The following RYR3 variants were observed in gnomAD, a reference collection of about 807,000 sequenced individuals.
RYR3 encodes the protein ryanodine receptor 3.
RYR3 carries 207 observed loss-of-function variants against 584.3 expected under a neutral mutation model. The ratio of observed to expected loss-of-function variants is 0.35; its 90% confidence interval spans 0.32 to 0.40. The LOEUF (loss-of-function observed/expected upper bound fraction) is 0.40. Ranked by LOEUF, RYR3 falls within the 10% of genes least tolerant of loss-of-function variation. The pLI is 1.00. For missense variants in RYR3, 5,616 were observed against 6,089.2 expected (o/e 0.92, Z 2.59); for synonymous variants, 2,416 against 2,248.5 (o/e 1.07, Z -2.11).
At chr15:33,637,234 C>T (rs1028366374) in intron 27 of RYR3, among the ~76,000 whole-genome samples, 1 of 152,160 alleles carries the variant, frequency 6.6e-6, no homozygotes, top group Non-Finnish European at 1.5e-5. Context: ...AGTCAGTAGA[C>T]TTCTCCTAAC....
chr15:33,328,501 T>C (rs1913425), intron 1 of RYR3, among the ~76,000 whole-genome samples: 1 of 152,174 alleles, frequency 6.6e-6, no homozygotes, highest in Non-Finnish European at 1.5e-5. Context: ...TCACTAATCT[T>C]CATGGGGTCA....
Position 33,566,001 on chromosome 15 carries a change from CTAAGA to C in RYR3, c.1147-672_1147-668del, listed in dbSNP as rs567247428. ...GTAAATCATTGAATCTTCCAACCCTCTAAGATAAGTCTATTTGCAGATGGTGAAAT... is the reference window on the plus strand; with the variant it reads ...GTAAATCATTGAATCTTCCAACCCTCTAAGTCTATTTGCAGATGGTGAAAT... On this transcript the variant is annotated intron_variant, in intron 11 of 103. Coordinates refer to ENST00000634891, the MANE Select transcript of RYR3 (RefSeq NM_001036.6). 7.5e-4 allele frequency among the ~76,000 whole-genome samples: 115 copies of C among 152,334 alleles called. 1 individual carries two copies. The highest frequency in any genetic ancestry group is 2.7e-3 in the African/African-American group (112 of 41,580).
intron 96 of RYR3, 86 bp from the exon 97 acceptor site, chr15:33,854,303 G>A: frequency 9.4e-7 from 1 of 1,061,834 alleles, no homozygotes. Context: ...TTAAACCTGA[G>A]AGAAAAAACT....
At chr15:33,749,256 G>C (rs1368679085) in intron 55 of RYR3, among the ~76,000 whole-genome samples, 1 of 152,166 alleles carries the variant, frequency 6.6e-6, no homozygotes, top group Non-Finnish European at 1.5e-5. Flanking sequence ...CAGTGGGTTT[G>C]CTGGAGCTCC....
In RYR3 at chr15:33,728,860, G is replaced by T. The variant is rs1242109072; in HGVS notation, c.7037G>T (p.Gly2346Val). The change falls in exon 47 of 104, where the codon GGG becomes GTG. Residue 2346 changes from glycine (G) to valine (V), a missense_variant. Gly to Val is a moderately radical substitution (Grantham distance 109, BLOSUM62 -3). Coordinates refer to ENST00000634891, the MANE Select transcript of RYR3 (RefSeq NM_001036.6). ...PLKLPSLNKD[G>V]SVSEPDMAAN... is the part of the protein sequence containing the mutation. ...ACATTTTCTATGTGTCTTTCAGATG[G>T]GTCGGTCAGTGAGCCAGATATGGCG... 6.2e-7 allele frequency: 1 copy of T among 1,610,038 alleles called. No individual in the cohort carries two copies.
chr15:33,438,992 C>T (rs2141849477), intron 1 of RYR3, among the ~76,000 whole-genome samples: 1 of 151,918 alleles, frequency 6.6e-6, no homozygotes, highest in Admixed American at 6.6e-5. Flanking sequence ...GATAAATGAC[C>T]CAAGAGTCGA....
In RYR3 at chr15:33,641,731, C is replaced by T. The variant is rs948760892; in HGVS notation, c.3557-2580C>T. Among the ~76,000 whole-genome samples the T allele has an allele frequency of 4.6e-5, 7 of 152,206 alleles. No individual in the cohort carries two copies. The East Asian group carries it at 5.8e-4, about 13-fold the overall frequency. ...GCCCAGCTGCGTCCACTTAGCCTCC[C>T]GGAGGTCCCCAATACTCTGTGCCTC... On this transcript the variant is annotated intron_variant, in intron 27 of 103. Coordinates refer to ENST00000634891, the MANE Select transcript of RYR3 (RefSeq NM_001036.6).
intron 3 of RYR3, among the ~76,000 whole-genome samples, chr15:33,517,059 A>G (rs1315976895): frequency 1.3e-5 from 2 of 152,028 alleles, no homozygotes; most frequent in South Asian, 2.1e-4. Flanking sequence ...CAGTGGCACA[A>G]TCTTGGCTCA....
intron 2 of RYR3, among the ~76,000 whole-genome samples, chr15:33,475,866 A>G (rs2049326500): frequency 6.6e-6 from 1 of 152,228 alleles, no homozygotes. Context: ...ATGATTTCAT[A>G]TTGTACAAGA....
chr15:33,711,815 C>G (rs2067142883), intron 43 of RYR3, among the ~76,000 whole-genome samples: 1 of 152,226 alleles, frequency 6.6e-6, no homozygotes, highest in Admixed American at 6.5e-5. Flanking sequence ...TTTCTATCAT[C>G]TTCTTCTGAG....
intron 48 of RYR3, among the ~76,000 whole-genome samples, chr15:33,733,835 G>A (rs2069165799): frequency 6.6e-6 from 1 of 152,196 alleles, no homozygotes; most frequent in South Asian, 2.1e-4. Context: ...TATGGGGCCA[G>A]GGATATATGA....
At chr15:33,418,173 C>T (rs923004462) in intron 1 of RYR3, among the ~76,000 whole-genome samples, 2 of 152,062 alleles carry the variant, frequency 1.3e-5, no homozygotes, top group Non-Finnish European at 1.5e-5. Flanking sequence ...ATTTGGGTAT[C>T]AGAATGACAC....
intron 7 of RYR3, among the ~76,000 whole-genome samples, chr15:33,542,013 A>G (rs1199449914): frequency 6.6e-6 from 1 of 152,140 alleles, no homozygotes; most frequent in East Asian, 1.9e-4. Flanking sequence ...GTCCCAACAG[A>G]GGGCTTGTGG....
At chr15:33,774,332 T>C (rs1245025695) in intron 64 of RYR3, among the ~76,000 whole-genome samples, 1 of 152,238 alleles carries the variant, frequency 6.6e-6, no homozygotes, top group Non-Finnish European at 1.5e-5. Flanking sequence ...ATTTTTGTTT[T>C]CTTTCTTGCC....
intron 1 of RYR3, among the ~76,000 whole-genome samples, chr15:33,464,483 T>G (rs776317458): frequency 1.2e-5 from 1 of 82,238 alleles, no homozygotes; most frequent in Non-Finnish European, 2.3e-5. Context: ...TATATATATA[T>G]ATATATACAC....
At position 33,865,458 on chromosome 15, in the gene RYR3, C is replaced by A; in HGVS notation, c.*232C>A. On this transcript the variant is annotated 3_prime_UTR_variant, in exon 104 of 104. Coordinates refer to ENST00000634891, the MANE Select transcript of RYR3 (RefSeq NM_001036.6). Reference sequence around the variant, plus strand: ...ATGTCGAAGAAGGAAGGCGAAGAATCAAGTAATCTCTAGGCAAATGCCTTC... The same window carrying A: ...ATGTCGAAGAAGGAAGGCGAAGAATAAAGTAATCTCTAGGCAAATGCCTTC... The A allele has an allele frequency of 2.1e-6, 1 of 477,964 alleles. No homozygotes were observed. 29.6% of individuals were successfully genotyped at this position (477,964 alleles called of 1,614,324 possible).
chr15:33,618,027 C>T (rs768404332), intron 19 of RYR3, among the ~76,000 whole-genome samples: 2 of 152,048 alleles, frequency 1.3e-5, no homozygotes, highest in African/African-American at 2.4e-5. Context: ...TGTAGCCCAC[C>T]GAAAAGGCTG....
intron 1 of RYR3, among the ~76,000 whole-genome samples, chr15:33,359,252 C>T (rs997045724): frequency 6.6e-6 from 1 of 152,190 alleles, no homozygotes; most frequent in Non-Finnish European, 1.5e-5. Flanking sequence ...AAAAATACAA[C>T]AATAACAACA....
intron 1 of RYR3, among the ~76,000 whole-genome samples, chr15:33,471,210 G>A (rs1383567909): frequency 6.6e-6 from 1 of 152,208 alleles, no homozygotes; most frequent in Non-Finnish European, 1.5e-5. Flanking sequence ...GGTCAGCATG[G>A]TTGAGCAGAA....
Sources: allele counts gnomAD v4.1 joint callset (sites outside exome capture counted in the v4.1 genomes callset), GRCh38; gene constraint gnomAD v4.1.1; transcripts MANE v1.5; gene names NCBI Gene and HGNC (gene_info 2026-07-23, HGNC 2026-07-21).